The following KCNT1 variants were observed in gnomAD, a reference collection of about 807,000 sequenced individuals.
KCNT1 encodes potassium channel subfamily T member 1.
In KCNT1, 78 loss-of-function variants were observed where a neutral mutation model predicts 147.8. The ratio of observed to expected loss-of-function variants is 0.53; its 90% confidence interval spans 0.44 to 0.64. The LOEUF (loss-of-function observed/expected upper bound fraction) is 0.64, where lower values mean the gene tolerates loss of function less well. Ranked by LOEUF, KCNT1 falls within the 30% of genes least tolerant of loss-of-function variation. KCNT1 has a pLI of 0.00. For synonymous variants in KCNT1, 867 were observed against 748.8 expected, an observed-to-expected ratio of 1.16 and a Z score of -2.58; for missense variants, 1,419 against 1,750.3, an observed-to-expected ratio of 0.81 and a Z score of 3.38.
At chr9:135,772,980 G>A (rs533069066) in intron 19 of KCNT1, 31 bp downstream of exon 19, 1 of 1,398,814 alleles carries the variant, frequency 7.1e-7, no homozygotes, top group Non-Finnish European at 9.4e-7. Context: ...GGCTCCCAGT[G>A]GGGGGAGGAG....
intron 20 of KCNT1, among the ~76,000 whole-genome samples, 179 bp from the exon 21 acceptor site, chr9:135,777,159 G>A (rs1396685953): frequency 6.6e-6 from 1 of 152,158 alleles, no homozygotes; most frequent in Admixed American, 6.6e-5. Flanking sequence ...GTACAGCTGT[G>A]GCATCTGGTG....
rs141311481 is a variant in KCNT1 at position 135,768,653 on chromosome 9, G to C, written c.1381G>C (p.Glu461Gln). Residue 461 changes from glutamate (E) to glutamine (Q), a missense_variant, in exon 14 of 31, where the codon GAG (glutamate) becomes CAG (glutamine). Around this residue, in one of 5 missense-constraint regions of KCNT1, gnomAD observed 401 missense variants for 610.6 expected, o/e 0.66. Coordinates refer to ENST00000371757, the MANE Select transcript of KCNT1 (RefSeq NM_020822.3). ...CTGCTTCATCCTCAGCAGCAGGAAC[G>C]AGGTGGACCGCACGGCTGCAGTGAG... ...EACFILSSRN[E>Q]VDRTAADHQT... 58 of 1,550,390 alleles carry C rather than the reference G, an allele frequency of 3.7e-5. No individual in the cohort carries two copies. The highest frequency in any genetic ancestry group is 4.6e-5 in the Non-Finnish European group (53 of 1,146,862).
At chr9:135,781,967 A>G (rs999532499) in intron 24 of KCNT1, among the ~76,000 whole-genome samples, 1 of 152,216 alleles carries the variant, frequency 6.6e-6, no homozygotes, top group Non-Finnish European at 1.5e-5. Context: ...TAATCCCAGC[A>G]CTTTGGGAGG....
intron 1 of KCNT1, among the ~76,000 whole-genome samples, chr9:135,713,819 G>A (rs1835603964): frequency 6.6e-6 from 1 of 152,208 alleles, no homozygotes; most frequent in Admixed American, 6.5e-5. Flanking sequence ...GAAGACACCT[G>A]CTTGGGCCCC....
intron 1 of KCNT1, among the ~76,000 whole-genome samples, chr9:135,707,167 C>A (rs879924929): frequency 2.0e-5 from 3 of 152,024 alleles, no homozygotes; most frequent in Non-Finnish European, 2.9e-5. Flanking sequence ...AGGCCCGGTG[C>A]ACCCCTGCAG....
intron 29 of KCNT1, chr9:135,791,568 C>G (rs991716936): frequency 5.5e-6 from 3 of 544,032 alleles, no homozygotes; most frequent in Non-Finnish European, 1.0e-5. Context: ...CGGGTCAGAG[C>G]TGGCTCCCAG....
chr9:135,755,796 T>TCAGGCTCAGTAAATGCTGAGGACAAATC (rs1204960100), intron 6 of KCNT1, among the ~76,000 whole-genome samples: 6 of 139,562 alleles, frequency 4.3e-5, no homozygotes, highest in African/African-American at 1.6e-4. Context: ...ATTTACTGAC[T>TCAGGCTCAGTAAATGCTGAGGACAAATC]CAGGCTCAGT....
chr9:135,732,024 A>AGAGAGAGAGAGAGGGAGAGG lies in KCNT1; in HGVS notation c.254+17317_254+17318insGGAGAGGGAGAGAGAGAGAG, dbSNP rs1554766185. On this transcript the variant is annotated intron_variant, in intron 2 of 30. Transcript: ENST00000371757. ...GAGAGAGAGAGAGAGAGAGAGAGAG[A>AGAGAGAGAGAGAGGGAGAGG]GAGAGAGAGAGAGAGAGGGAGTCTC... 3.8e-4 allele frequency among the ~76,000 whole-genome samples: 25 copies of AGAGAGAGAGAGAGGGAGAGG among 65,110 alleles called. 1 individual carries two copies. Among genetic ancestry groups the AGAGAGAGAGAGAGGGAGAGG allele is most frequent in the Non-Finnish European group, 6.0e-4 (19 of 31,466 alleles). The allele number at this position is 65,110 out of a possible 152,430, so 42.7% of individuals were successfully genotyped here.
In KCNT1 at chr9:135,775,225, C is replaced by T. The variant is rs541831860; in HGVS notation, c.2244-85C>T. The T allele has an allele frequency of 3.3e-4, 318 of 977,030 alleles. 1 individual carries two copies. In the African/African-American group the frequency reaches 3.7e-3, roughly 11 times the overall value. 60.5% of individuals were successfully genotyped at this position (977,030 alleles called of 1,614,324 possible). ...TGGCTGTGGGTGGAGTGGGTGCCCT[C>T]GAGTCCCCCAGCCCGAGGGGGGCCC... On this transcript the variant is annotated intron_variant, in intron 19 of 30. Coordinates refer to ENST00000371757, the MANE Select transcript of KCNT1 (RefSeq NM_020822.3).
chr9:135,737,672 T>C (rs1329832181), intron 2 of KCNT1, among the ~76,000 whole-genome samples: 1 of 152,050 alleles, frequency 6.6e-6, no homozygotes, highest in Admixed American at 6.5e-5. Context: ...GGCTGAAGTT[T>C]CATCAGGGCT....
chr9:135,771,286 C>T, intron 18 of KCNT1, 191 bp downstream of exon 18: 1 of 618,568 alleles, frequency 1.6e-6, no homozygotes, highest in Non-Finnish European at 2.8e-6. Context: ...GGGCGGGAGA[C>T]CAGGTGGGAC....
intron 6 of KCNT1, among the ~76,000 whole-genome samples, chr9:135,756,357 G>A (rs1421329755): frequency 6.6e-6 from 1 of 152,148 alleles, no homozygotes; most frequent in Non-Finnish European, 1.5e-5. Flanking sequence ...GGGGTGGAGA[G>A]TGCACAGGCC....
At chr9:135,769,127 G>C (rs114612465) in intron 15 of KCNT1, among the ~76,000 whole-genome samples, 190 bp downstream of exon 15, 1 of 66,434 alleles carries the variant, frequency 1.5e-5, no homozygotes, top group South Asian at 4.8e-4. Context: ...GTGTCGGTGC[G>C]TCTGGGGCAG....
chr9:135,721,645 G>A (rs1163729714), intron 2 of KCNT1, among the ~76,000 whole-genome samples: 1 of 152,252 alleles, frequency 6.6e-6, no homozygotes, highest in Non-Finnish European at 1.5e-5. Flanking sequence ...TCAAGGTCTG[G>A]TTTATTGGAG....
At chr9:135,767,705 C>G (rs1832383805) in intron 13 of KCNT1, among the ~76,000 whole-genome samples, 1 of 152,146 alleles carries the variant, frequency 6.6e-6, no homozygotes, top group African/African-American at 2.4e-5. Context: ...CCCTGGACCC[C>G]TAGCCCCTGA....
intron 14 of KCNT1, 69 bp downstream of exon 14, chr9:135,768,742 G>T (rs549391178): frequency 3.1e-5 from 48 of 1,537,072 alleles, no homozygotes; most frequent in Non-Finnish European, 3.7e-5. Flanking sequence ...GGTCCCTGAG[G>T]GAAGAGACCT....
chr9:135,756,805 CCTGTGGGGTCAGG>C lies in KCNT1; in HGVS notation c.541-66_541-54del, dbSNP rs1831508773. 3.0e-5 allele frequency: 39 copies of C among 1,318,780 alleles called. No individual in the cohort carries two copies. The South Asian group carries it at 4.5e-4, about 15-fold the overall frequency. 81.7% of individuals were successfully genotyped at this position (1,318,780 alleles called of 1,614,324 possible). A position where few individuals can be genotyped will look rare whatever the true frequency, so the allele number is the denominator to read the frequency against. On this transcript the variant is annotated intron_variant, in intron 6 of 30. Coordinates refer to ENST00000371757, the MANE Select transcript of KCNT1 (RefSeq NM_020822.3). ...CTTTGTGTGGTACCTGCCCGCGAGG[CCTGTGGGGTCAGG>C]CCCCAGCCCCAGCCCCGGCCTGCTC...
chr9:135,785,487 C>T (rs1051411318), intron 28 of KCNT1, 157 bp downstream of exon 28: 36 of 927,062 alleles, frequency 3.9e-5, no homozygotes, highest in Middle Eastern at 3.1e-4. Flanking sequence ...GGCCCCAGCA[C>T]GGCTCAGAGA....
chr9:135,740,513 C>T (rs912733511), intron 2 of KCNT1, among the ~76,000 whole-genome samples: 1 of 152,204 alleles, frequency 6.6e-6, no homozygotes, highest in South Asian at 2.1e-4. Context: ...CTTATGGGCA[C>T]AAGTCAAGTG....
Sources: allele counts gnomAD v4.1 joint callset (sites outside exome capture counted in the v4.1 genomes callset), GRCh38; gene constraint gnomAD v4.1.1; regional missense constraint gnomAD v4.1.1; transcripts MANE v1.5; gene names NCBI Gene and HGNC (gene_info 2026-07-23, HGNC 2026-07-21).